Variants in UIMC1 observed in about 807,000 individuals in gnomAD.
UIMC1 encodes ubiquitin interaction motif containing 1, also known as BRCA1-A complex subunit RAP80.
UIMC1 carries 42 observed loss-of-function variants against 84.9 expected under a neutral mutation model. That is an observed-to-expected ratio of 0.49 (90% CI 0.39 to 0.64). UIMC1 has a LOEUF of 0.64. UIMC1 is among the 30% of genes least tolerant of loss of function. The pLI, the probability that UIMC1 is intolerant of heterozygous loss-of-function variation, is 0.00. For synonymous variants in UIMC1, 281 were observed against 293.0 expected, an observed-to-expected ratio of 0.96 and a Z score of 0.42; for missense variants, 825 against 847.6, an observed-to-expected ratio of 0.97 and a Z score of 0.33.
upstream of UIMC1, among the ~76,000 whole-genome samples, chr5:177,009,439 C>G (rs1775496664): frequency 6.6e-6 from 1 of 151,512 alleles, no homozygotes; most frequent in Admixed American, 6.6e-5. The surrounding 1 kb of genome is among the most constrained non-coding windows in gnomAD (Gnocchi z 4.3). Flanking sequence ...TACCTGGCAA[C>G]CGTTCAACTT....
At chr5:176,912,860 G>A (rs1292773053) in intron 10 of UIMC1, among the ~76,000 whole-genome samples, 1 of 152,038 alleles carries the variant, frequency 6.6e-6, no homozygotes, top group Non-Finnish European at 1.5e-5. Flanking sequence ...TAGAGACGGG[G>A]TTTCACAATG....
In UIMC1 at chr5:176,906,042, C is replaced by T; in HGVS notation, c.1918G>A (p.Asp640Asn). 1 of 1,613,954 alleles carries T rather than the reference C, an allele frequency of 6.2e-7. No homozygotes were observed. The change falls in exon 14 of 15, where the codon GAC (aspartate) becomes AAC (asparagine). Residue 640 changes from aspartate (D) to asparagine (N), a missense_variant. By Grantham distance (23) the Asp-to-Asn change is conservative (BLOSUM62 1). Coordinates refer to ENST00000511320, the MANE Select transcript of UIMC1 (RefSeq NM_001199298.2). The part of the protein sequence containing the change: ...EQSEHKTSDA[D>N]IKSSETGAFR... ...GCTCCTGTTTCTGAAGACTTGATGT[C>T]TGCATCTGTGATATAAAAGAAAAAA...
intron 1 of UIMC1, among the ~76,000 whole-genome samples, chr5:176,988,150 A>C (rs868672957): frequency 1.0e-4 from 15 of 144,814 alleles, no homozygotes; most frequent in African/African-American, 3.3e-4. Flanking sequence ...AAAAAAAAAA[A>C]ACTCAAATCA....
At position 176,982,460 on chromosome 5, in the gene UIMC1, T is replaced by C. The variant is rs753492908; in HGVS notation, c.147+9A>G. 3.1e-6 allele frequency: 5 copies of C among 1,607,006 alleles called. No homozygotes were observed. The South Asian group carries it at 5.6e-5, about 18-fold the overall frequency. On this transcript the variant is annotated intron_variant, in intron 2 of 14. Transcript: ENST00000511320. ...CTACAGCTCTACTTTTCAGCTCTAC[T>C]TCACTAACCTCTCCATCACTATCGG...
rs1244586755 is a variant in UIMC1 at position 177,004,446 on chromosome 5, T to G, written c.-9+2204A>C. 2.0e-5 allele frequency among the ~76,000 whole-genome samples: 3 copies of G among 152,214 alleles called. No homozygotes were observed. In the East Asian group the frequency reaches 5.8e-4, roughly 29 times the overall value. On this transcript the variant is annotated intron_variant, in intron 1 of 14. Transcript: ENST00000511320. Reference sequence around the variant, plus strand: ...CCTGTATACAGTTCAACTACTATTTTTTTTTAAGTTACTACCCTTCAAAGA... The same window carrying G: ...CCTGTATACAGTTCAACTACTATTTGTTTTTAAGTTACTACCCTTCAAAGA...
At chr5:176,925,027 C>CAT in intron 10 of UIMC1, among the ~76,000 whole-genome samples, 1 of 143,110 alleles carries the variant, frequency 7.0e-6, no homozygotes, top group Non-Finnish European at 1.5e-5. Flanking sequence ...CAAGACTCTG[C>CAT]CTCAAAAAAA....
chr5:176,969,657 G>A lies in UIMC1; in HGVS notation c.407C>T (p.Thr136Ile). 6.2e-7 allele frequency: 1 copy of A among 1,614,150 alleles called. No individual in the cohort carries two copies. Among genetic ancestry groups the A allele is most frequent in the Non-Finnish European group, 8.5e-7 (1 of 1,180,036 alleles). ...ASATRSRPLA[T>I]GPSSQSHQEK... is the part of the protein sequence containing the mutation. ...TTGATGGGACTGGGAAGACGGTCCA[G>A]TGGCCAGAGGTCGAGATCTGGTAGC... Residue 136 changes from threonine to isoleucine, a missense_variant, in exon 5 of 15, where the codon ACT becomes ATT. Physicochemically the swap from Thr to Ile is moderately conservative, Grantham distance 89. Coordinates refer to ENST00000511320, the MANE Select transcript of UIMC1 (RefSeq NM_001199298.2).
Position 176,969,069 on chromosome 5 carries a change from T to G in UIMC1, c.686A>C (p.Gln229Pro). The G allele has an allele frequency of 6.2e-7, 1 of 1,614,218 alleles. No homozygotes were observed. ...RCTGHSAEHT[Q>P]CGKPQESTGR... ...AGTACTTTCCTGTGGCTTCCCACAC[T>G]GTGTGTGCTCAGCCGAGTGGCCAGT... The change falls in exon 6 of 15, where the codon CAG (glutamine) becomes CCG (proline). Residue 229 changes from glutamine (Q) to proline (P), a missense_variant. Gln to Pro is a moderately conservative substitution (Grantham distance 76). Coordinates refer to ENST00000511320, the MANE Select transcript of UIMC1 (RefSeq NM_001199298.2).
rs756948887 is a variant in UIMC1 at position 176,968,972 on chromosome 5, T to C, written c.783A>G (p.Leu261=). ...TGTCCTGGAGACCTTTGGCATCTGC[T>C]AGGGTAGGTAGACAGTGCCTAGATG... ...GDTSRHCLPT[L]ADAKGLQDTG... The change falls in exon 6 of 15, where the codon CTA becomes CTG. Residue 261 remains leucine (L), a synonymous_variant. Coordinates refer to ENST00000511320, the MANE Select transcript of UIMC1 (RefSeq NM_001199298.2). The C allele has an allele frequency of 1.7e-5, 27 of 1,614,104 alleles. No homozygotes were observed. The highest frequency in any genetic ancestry group is 2.2e-5 in the Non-Finnish European group (26 of 1,180,046).
intron 1 of UIMC1, among the ~76,000 whole-genome samples, chr5:176,985,148 T>TG (rs1470533990): frequency 1.4e-5 from 2 of 147,342 alleles, no homozygotes; most frequent in African/African-American, 5.0e-5. Context: ...GAAAAAATGG[T>TG]TTTTTTTTCT....
intron 9 of UIMC1, among the ~76,000 whole-genome samples, chr5:176,945,976 G>T (rs1351288980): frequency 6.6e-6 from 1 of 152,142 alleles, no homozygotes; most frequent in African/African-American, 2.4e-5. Context: ...ACATAGAAAT[G>T]TACTGTACTT....
intron 2 of UIMC1, among the ~76,000 whole-genome samples, chr5:176,976,072 G>A (rs112532039): frequency 6.6e-6 from 1 of 152,192 alleles, no homozygotes; most frequent in African/African-American, 2.4e-5. Context: ...GCTGAAGTGG[G>A]AGAATCGCTT....
chr5:176,987,403 T>C (rs544586579), intron 1 of UIMC1, among the ~76,000 whole-genome samples: 88 of 151,404 alleles, frequency 5.8e-4, no homozygotes, highest in African/African-American at 2.1e-3. Flanking sequence ...CCCAGCACTT[T>C]AGGAGGCTGA....
At position 176,958,087 on chromosome 5, in the gene UIMC1, T is replaced by C; in HGVS notation, c.1262+6A>G. 1.9e-6 allele frequency: 3 copies of C among 1,613,482 alleles called. No homozygotes were observed. The highest frequency in any genetic ancestry group is 2.5e-6 in the Non-Finnish European group (3 of 1,179,550). On this transcript the variant is annotated splice_donor_region_variant and intron_variant, in intron 7 of 14. Coordinates refer to ENST00000511320, the MANE Select transcript of UIMC1 (RefSeq NM_001199298.2). ...GGAGAATGCATAGCAACATATAATC[T>C]CTCACCTTTGTGAAGCAGGTACAGA... is the stretch of plus-strand genomic sequence containing the variant.
intron 1 of UIMC1, among the ~76,000 whole-genome samples, chr5:176,984,115 T>C (rs1238639420): frequency 5.7e-4 from 22 of 38,732 alleles, no homozygotes; most frequent in East Asian, 1.8e-3. Flanking sequence ...CCGGCCGCCC[T>C]GTCTGGAAAG....
intron 1 of UIMC1, among the ~76,000 whole-genome samples, chr5:177,001,264 C>A (rs970871716): frequency 2.4e-4 from 37 of 152,322 alleles, no homozygotes; most frequent in African/African-American, 8.9e-4. Context: ...ATTGAAGAGA[C>A]TGTCTTTTCC....
chr5:176,913,191 T>C (rs1049666431), intron 10 of UIMC1, among the ~76,000 whole-genome samples: 1 of 152,246 alleles, frequency 6.6e-6, no homozygotes, highest in African/African-American at 2.4e-5. Context: ...GGAAGAACTA[T>C]ACCTAGTTAC....
At chr5:176,989,196 A>G (rs1238210144) in intron 1 of UIMC1, among the ~76,000 whole-genome samples, 1 of 152,096 alleles carries the variant, frequency 6.6e-6, no homozygotes, top group Non-Finnish European at 1.5e-5. Flanking sequence ...AGTTTTTCTA[A>G]AAAAAACACT....
At chr5:176,925,660 G>A (rs761266317) in intron 10 of UIMC1, among the ~76,000 whole-genome samples, 2 of 152,062 alleles carry the variant, frequency 1.3e-5, no homozygotes, top group Non-Finnish European at 2.9e-5. Context: ...TATGCTGAGT[G>A]AAAGATTACA....
Sources: gnomAD v4.1 joint callset for allele counts (sites outside exome capture counted in the v4.1 genomes callset) on GRCh38, gnomAD v4.1.1 for gene constraint, Gnocchi (gnomAD v3.1) non-coding constraint, MANE v1.5 for transcripts, NCBI Gene and HGNC (gene_info 2026-07-23, HGNC 2026-07-21) for gene names.